DLG2: variants seen among roughly 807,000 people sequenced by gnomAD.
The protein encoded by DLG2 is discs large MAGUK scaffold protein 2.
Under a neutral mutation model 132.5 loss-of-function variants are expected in DLG2, and 45 were observed. The ratio of observed to expected loss-of-function variants is 0.34; its 90% CI spans 0.27 to 0.44. DLG2 has a LOEUF of 0.44. Among genes scored for constraint, DLG2 ranks in the 20% least tolerant of loss-of-function variants. DLG2 has a pLI of 1.00. For synonymous variants in DLG2, 424 were observed against 419.6 expected (o/e 1.01, Z -0.13); for missense variants, 1,045 against 1,196.9 (o/e 0.87, Z 1.87).
chr11:85,351,198 T>TG (rs1250817791), intron 3 of DLG2, among the ~76,000 whole-genome samples: 1 of 152,230 alleles, frequency 6.6e-6, no homozygotes, highest in Non-Finnish European at 1.5e-5. Context: ...ACTCATGATT[T>TG]GGCTCTCTGT....
At chr11:85,537,465 GACC>G (rs2075670296) in intron 3 of DLG2, among the ~76,000 whole-genome samples, 1 of 152,118 alleles carries the variant, frequency 6.6e-6, no homozygotes, top group African/African-American at 2.4e-5. Flanking sequence ...AAGCCAGTGA[GACC>G]ACCAACCCAC....
chr11:83,459,927 G>A lies in DLG2; in HGVS notation c.2822-3C>T, dbSNP rs377475020. 3.3e-6 allele frequency: 5 copies of A among 1,511,696 alleles called. No individual in the cohort carries two copies. Among genetic ancestry groups the A allele is most frequent in the African/African-American group, 2.7e-5 (2 of 72,776 alleles). The allele number at this position is 1,511,696 out of a possible 1,614,324, so 93.6% of individuals were successfully genotyped here. On this transcript the variant is annotated splice_region_variant and splice_polypyrimidine_tract_variant and intron_variant, in intron 27 of 27. Transcript: ENST00000376104. ...TAAAGTATCTCCTTGGACAATAGCT[G>A]TAACAAAAGCAAACACACCCAGAAT...
chr11:84,876,295 C>T (rs546976635), intron 6 of DLG2, among the ~76,000 whole-genome samples: 2 of 152,164 alleles, frequency 1.3e-5, no homozygotes, highest in Non-Finnish European at 2.9e-5. Context: ...TAGAATTTGG[C>T]TATGAATCCA....
Position 83,900,176 on chromosome 11 carries a change from G to A in DLG2, c.1497-25688C>T, listed in dbSNP as rs546944235. On this transcript the variant is annotated intron_variant, in intron 15 of 27. Coordinates refer to ENST00000376104, the MANE Select transcript of DLG2 (RefSeq NM_001142699.3). ...TTTCTAAGCAGCAAAGCATTCAACA[G>A]GTGACTTGGGTGCTGTTAAAGATAC... Among the ~76,000 whole-genome samples the A allele has an allele frequency of 5.9e-5, 9 of 152,262 alleles. No homozygotes were observed. In the South Asian group the frequency reaches 1.9e-3, roughly 32 times the overall value.
intron 4 of DLG2, among the ~76,000 whole-genome samples, chr11:85,272,818 A>T (rs2077625235): frequency 6.6e-6 from 1 of 152,198 alleles, no homozygotes; most frequent in African/African-American, 2.4e-5. Flanking sequence ...CAAAAAGAAC[A>T]AAGTTGGAGG....
At chr11:84,322,596 A>ATT (rs59443223) in intron 7 of DLG2, among the ~76,000 whole-genome samples, 6,842 of 149,004 alleles carry the variant, frequency 0.046, 382 homozygotes, top group African/African-American at 0.12. Flanking sequence ...TTTCACAAGA[A>ATT]TTTTTTTTTT....
chr11:84,365,529 T>TCAG, intron 7 of DLG2, among the ~76,000 whole-genome samples: 1 of 152,144 alleles, frequency 6.6e-6, no homozygotes, highest in East Asian at 1.9e-4. Context: ...TGCTCTGATT[T>TCAG]CAGTTATTTC....
chr11:83,726,539 G>C (rs1236570507), intron 18 of DLG2, among the ~76,000 whole-genome samples: 1 of 152,162 alleles, frequency 6.6e-6, no homozygotes, highest in Non-Finnish European at 1.5e-5. Context: ...GGAGGTATGG[G>C]AAATCAGATG....
chr11:84,826,987 G>C (rs959966311), intron 6 of DLG2, among the ~76,000 whole-genome samples: 3 of 151,794 alleles, frequency 2.0e-5, no homozygotes, highest in African/African-American at 7.3e-5. Context: ...GGAGAGACTG[G>C]ATTGAAGAGT....
intron 5 of DLG2, among the ~76,000 whole-genome samples, chr11:85,147,780 G>A (rs752320466): frequency 5.3e-5 from 8 of 152,040 alleles, no homozygotes; most frequent in Non-Finnish European, 1.0e-4. Flanking sequence ...GGATACAGAC[G>A]CAGAATGTGC....
chr11:83,652,429 G>T (rs2153521303), intron 18 of DLG2, among the ~76,000 whole-genome samples: 1 of 152,286 alleles, frequency 6.6e-6, no homozygotes, highest in Non-Finnish European at 1.5e-5. Context: ...GGAGTGCAGT[G>T]GTGCAATCTT....
chr11:85,380,211 T>C (rs1462105290), intron 3 of DLG2, among the ~76,000 whole-genome samples: 1 of 152,204 alleles, frequency 6.6e-6, no homozygotes, highest in Non-Finnish European at 1.5e-5. Context: ...ACAATATATA[T>C]AGTGTTTATT....
chr11:84,262,733 C>T (rs1284829191), intron 7 of DLG2, among the ~76,000 whole-genome samples: 4 of 152,104 alleles, frequency 2.6e-5, no homozygotes, highest in Non-Finnish European at 5.9e-5. Flanking sequence ...TAGGCCTTTG[C>T]ATCCTCAGAG....
At chr11:83,947,698 G>A (rs1003509600) in intron 14 of DLG2, among the ~76,000 whole-genome samples, 1 of 152,144 alleles carries the variant, frequency 6.6e-6, no homozygotes, top group Non-Finnish European at 1.5e-5. Flanking sequence ...AATAACCCGT[G>A]GCATAGGCAT....
chr11:84,766,768 AGCC>A (rs2068477124), intron 6 of DLG2, among the ~76,000 whole-genome samples: 1 of 152,106 alleles, frequency 6.6e-6, no homozygotes, highest in African/African-American at 2.4e-5. Context: ...AAATAGAAAT[AGCC>A]CATGCTTTAA....
chr11:84,942,461 T>C (rs1158092268), intron 6 of DLG2, among the ~76,000 whole-genome samples: 1 of 152,162 alleles, frequency 6.6e-6, no homozygotes, highest in African/African-American at 2.4e-5. Context: ...TAACATTTCC[T>C]TTATTGACAC....
chr11:84,537,110 C>CT (rs1274957475), intron 6 of DLG2, among the ~76,000 whole-genome samples: 14 of 149,820 alleles, frequency 9.3e-5, no homozygotes, highest in Middle Eastern at 3.4e-3. Flanking sequence ...TTCTGAATTA[C>CT]TTTTTTTTTT....
Position 84,059,462 on chromosome 11 carries a change from C to A in DLG2, c.772G>T (p.Val258Leu). ...RLRVNDCILR[V>L]NEVDVSEVSH... Reference sequence around the variant, plus strand: ...ACCTCTGACACATCAACCTCATTCACCCGCAAGATACAATCATTGACCCTG... The same window carrying A: ...ACCTCTGACACATCAACCTCATTCAACCGCAAGATACAATCATTGACCCTG... The change falls in exon 11 of 28, where the codon GTG becomes TTG. Residue 258 changes from valine to leucine, a missense_variant. Val to Leu is a conservative substitution (Grantham distance 32). This residue lies in a region of DLG2 where 109 missense variants were observed against 159.1 expected (regional missense o/e 0.69). Transcript: ENST00000376104. The A allele has an allele frequency of 1.9e-6, 3 of 1,608,392 alleles. No homozygotes were observed. Among genetic ancestry groups the A allele is most frequent in the Non-Finnish European group, 2.5e-6 (3 of 1,177,530 alleles).
chr11:84,069,515 C>A (rs776131124), intron 10 of DLG2, among the ~76,000 whole-genome samples: 2 of 152,166 alleles, frequency 1.3e-5, no homozygotes, highest in Non-Finnish European at 2.9e-5. Context: ...TCAGCTAAGA[C>A]CAACTGATAG....
Sources: allele counts gnomAD v4.1 joint callset (sites outside exome capture counted in the v4.1 genomes callset), GRCh38; gene constraint gnomAD v4.1.1; regional missense constraint gnomAD v4.1.1; transcripts MANE v1.5; gene names NCBI Gene and HGNC (gene_info 2026-07-23, HGNC 2026-07-21).